Variants in COLGALT1 observed in about 807,000 individuals in gnomAD.
COLGALT1 encodes procollagen galactosyltransferase 1.
Under a neutral mutation model 60.8 loss-of-function variants are expected in COLGALT1, and 43 were observed. That is an observed-to-expected ratio of 0.71 (90% CI 0.55 to 0.91). COLGALT1 has a LOEUF of 0.91. Among genes scored for constraint, COLGALT1 ranks in the 40% least tolerant of loss-of-function variants. The pLI is 0.00. For missense variants in COLGALT1, 845 were observed against 880.0 expected (o/e 0.96, Z 0.50); for synonymous variants, 369 against 374.2 (o/e 0.99, Z 0.16).
At chr19:17,579,794 C>T (rs970270157) in intron 10 of COLGALT1, among the ~76,000 whole-genome samples, 185 bp downstream of exon 10, 9 of 151,818 alleles carry the variant, frequency 5.9e-5, no homozygotes, top group Admixed American at 3.9e-4. Flanking sequence ...GGCTGGGAGG[C>T]GGAGTGGAGC....
chr19:17,569,603 A>G (rs1036256907), intron 5 of COLGALT1, among the ~76,000 whole-genome samples: 1 of 151,836 alleles, frequency 6.6e-6, no homozygotes, highest in Non-Finnish European at 1.5e-5. Flanking sequence ...TGTCTGGCTC[A>G]TTTTTATATT....
rs907212111 is a variant in COLGALT1 at position 17,572,738 on chromosome 19, C to T, written c.949+136C>T. On this transcript the variant is annotated intron_variant, in intron 6 of 11. Transcript: ENST00000252599. Reference sequence around the variant, plus strand: ...GTGGGGGGTGCTGGGTGCAACGGCACGTGTGAACGAGGTGGAGGGTTGTGT... The same window carrying T: ...GTGGGGGGTGCTGGGTGCAACGGCATGTGTGAACGAGGTGGAGGGTTGTGT... 2.6e-5 allele frequency: 33 copies of T among 1,280,036 alleles called. No homozygotes were observed. In the African/African-American group the frequency reaches 2.6e-4, roughly 10 times the overall value. 79.3% of individuals were successfully genotyped at this position (1,280,036 alleles called of 1,614,324 possible). A position where few individuals can be genotyped will look rare whatever the true frequency, so the allele number is the denominator to read the frequency against.
rs1018804541 is a variant in COLGALT1, at chr19:17,581,545, A to G, written c.*101A>G. 4.2e-6 allele frequency: 6 copies of G among 1,444,854 alleles called. No homozygotes were observed. In the African/African-American group the frequency reaches 8.5e-5, roughly 21 times the overall value. The allele number at this position is 1,444,854 out of a possible 1,614,324, so 89.5% of individuals were successfully genotyped here. ...CTCTGGACCCCTTGGCAGGCCACAG[A>G]GGGCTCTCGTGTGGGGTGGTGTCCA... On this transcript the variant is annotated 3_prime_UTR_variant, in exon 12 of 12. Coordinates refer to ENST00000252599, the MANE Select transcript of COLGALT1 (RefSeq NM_024656.4).
At chr19:17,572,344 C>G (rs545495112) in intron 5 of COLGALT1, 139 bp from the exon 6 acceptor site, 13 of 1,220,018 alleles carry the variant, frequency 1.1e-5, no homozygotes, top group Non-Finnish European at 1.4e-5. Context: ...AGGTCTTGCT[C>G]TGTTGCCCAG....
intron 6 of COLGALT1, among the ~76,000 whole-genome samples, chr19:17,575,055 G>T (rs1453765468): frequency 6.6e-6 from 1 of 151,638 alleles, no homozygotes; most frequent in Non-Finnish European, 1.5e-5. Context: ...TGGTTTTTTT[G>T]GTTTTTATTT....
intron 6 of COLGALT1, among the ~76,000 whole-genome samples, chr19:17,575,276 C>T (rs577032532): frequency 5.9e-5 from 9 of 152,182 alleles, no homozygotes; most frequent in South Asian, 2.1e-4. Flanking sequence ...GACGGAGTCT[C>T]GCTCTGTCTC....
chr19:17,558,920 G>A (rs1170784908), intron 1 of COLGALT1, among the ~76,000 whole-genome samples: 1 of 151,978 alleles, frequency 6.6e-6, no homozygotes, highest in South Asian at 2.1e-4. Flanking sequence ...CAGCACTTTG[G>A]GAGGCCAAGG....
intron 10 of COLGALT1, chr19:17,579,867 G>C: frequency 2.0e-6 from 1 of 494,906 alleles, no homozygotes; most frequent in Non-Finnish European, 3.6e-6. Context: ...TCTGGGTGTG[G>C]TCAGGGTGGC....
At chr19:17,566,790 A>G (rs2076281870) in intron 3 of COLGALT1, among the ~76,000 whole-genome samples, 1 of 152,056 alleles carries the variant, frequency 6.6e-6, no homozygotes, top group Non-Finnish European at 1.5e-5. Flanking sequence ...GCAAGATGCT[A>G]TCCCTTTAAA....
rs183026183 is a variant in COLGALT1, at chr19:17,574,914, T to C, written c.950-2281T>C. 9.2e-5 allele frequency among the ~76,000 whole-genome samples: 14 copies of C among 152,316 alleles called. No homozygotes were observed. The East Asian group carries it at 2.7e-3, about 29-fold the overall frequency. ...CGCTGTTACCCAGGCTGGAATGCAG[T>C]GGCAAAATCACAGCTCACTGCAGCC... On this transcript the variant is annotated intron_variant, in intron 6 of 11. Transcript: ENST00000252599.
intron 5 of COLGALT1, among the ~76,000 whole-genome samples, chr19:17,572,094 G>A (rs549983152): frequency 3.3e-5 from 5 of 152,148 alleles, no homozygotes; most frequent in Middle Eastern, 3.4e-3. Context: ...GGTGGATCGC[G>A]AGGTCAGGAG....
At chr19:17,568,894 G>A (rs889042666) in intron 5 of COLGALT1, among the ~76,000 whole-genome samples, 181 bp downstream of exon 5, 5 of 152,152 alleles carry the variant, frequency 3.3e-5, no homozygotes, top group African/African-American at 1.2e-4. Flanking sequence ...TTTCTCTCCA[G>A]CCCTGGCTTT....
rs1469904504 is a variant in COLGALT1, at chr19:17,581,415, C to T, written c.1840C>T (p.Leu614=). ...GAACTCGGACGTGCTCCAGTCCCCACTGGACAGTGCTGCCCGGGATGAACT... is the reference window on the plus strand; with the variant it reads ...GAACTCGGACGTGCTCCAGTCCCCATTGGACAGTGCTGCCCGGGATGAACT... ...AKNSDVLQSP[L]DSAARDEL is the part of the protein sequence containing the mutation. Residue 614 remains leucine, a synonymous_variant, in exon 12 of 12, where the codon CTG becomes TTG. Coordinates refer to ENST00000252599, the MANE Select transcript of COLGALT1 (RefSeq NM_024656.4). The T allele has an allele frequency of 2.5e-6, 4 of 1,610,456 alleles. No homozygotes were observed. The highest frequency in any genetic ancestry group is 3.3e-5 in the Admixed American group (2 of 59,996).
At chr19:17,556,635 G>A in intron 1 of COLGALT1, 1 of 658,752 alleles carries the variant, frequency 1.5e-6, no homozygotes, top group Non-Finnish European at 1.9e-6. Context: ...AATGGGTCCG[G>A]GTGCAGTGGC....
intron 3 of COLGALT1, among the ~76,000 whole-genome samples, chr19:17,565,138 C>T (rs1469010852): frequency 6.8e-6 from 1 of 146,510 alleles, no homozygotes; most frequent in African/African-American, 2.6e-5. Context: ...ACTTCAGTCA[C>T]TTCCACCTTT....
intron 10 of COLGALT1, 23 bp downstream of exon 10, chr19:17,579,632 G>C (rs945917129): frequency 2.5e-6 from 4 of 1,608,032 alleles, no homozygotes; most frequent in Non-Finnish European, 3.4e-6. Flanking sequence ...CTGAGGATGG[G>C]GTGAAGCTGG....
At chr19:17,556,941 G>C (rs944589748) in intron 1 of COLGALT1, among the ~76,000 whole-genome samples, 3 of 152,000 alleles carry the variant, frequency 2.0e-5, no homozygotes, top group Non-Finnish European at 2.9e-5. Context: ...GAAAATGAGC[G>C]TATTAATATA....
At chr19:17,577,850 G>A in intron 8 of COLGALT1, 107 bp from the exon 9 acceptor site, 3 of 1,448,518 alleles carry the variant, frequency 2.1e-6, no homozygotes, top group Non-Finnish European at 2.8e-6. Flanking sequence ...AGTGCTACAA[G>A]AGGTGGACCA....
At chr19:17,566,614 T>C (rs1278349164) in intron 3 of COLGALT1, among the ~76,000 whole-genome samples, 6 of 151,866 alleles carry the variant, frequency 4.0e-5, no homozygotes, top group African/African-American at 7.3e-5. Flanking sequence ...AGGGATCCTA[T>C]CTCTACAAAC....
Sources: gnomAD v4.1 joint callset for allele counts (sites outside exome capture counted in the v4.1 genomes callset) on GRCh38, gnomAD v4.1.1 for gene constraint, MANE v1.5 for transcripts, NCBI Gene and HGNC (gene_info 2026-07-23, HGNC 2026-07-21) for gene names.